DENND5B: variants seen among roughly 807,000 people sequenced by gnomAD.
DENND5B encodes the protein DENN domain-containing protein 5B.
A neutral mutation model predicts 140.6 loss-of-function variants in DENND5B; 34 were observed. The ratio of observed to expected loss-of-function variants is 0.24; its 90% confidence interval spans 0.18 to 0.32. DENND5B has a LOEUF of 0.32. Among genes scored for constraint, DENND5B ranks in the 10% least tolerant of loss-of-function variants. The probability of loss-of-function intolerance (pLI) is 1.00; values close to 1 mark genes in which losing one functional copy is unlikely to be tolerated. For missense variants in DENND5B, 1,142 were observed against 1,560.2 expected, an observed-to-expected ratio of 0.73 and a Z score of 4.52; for synonymous variants, 551 against 562.1, an observed-to-expected ratio of 0.98 and a Z score of 0.28.
intron 1 of DENND5B, among the ~76,000 whole-genome samples, chr12:31,512,359 C>T (rs555492663): frequency 5.8e-4 from 87 of 149,960 alleles, no homozygotes; most frequent in African/African-American, 1.9e-3. Flanking sequence ...TGGGACTACA[C>T]GTACACACCA....
At chr12:31,403,380 CTTT>C (rs67913140) in intron 14 of DENND5B, among the ~76,000 whole-genome samples, 1 of 132,062 alleles carries the variant, frequency 7.6e-6, no homozygotes, top group Non-Finnish European at 1.8e-5. Context: ...GTCCTCCCTT[CTTT>C]TTTTTTCTTT....
intron 17 of DENND5B, among the ~76,000 whole-genome samples, chr12:31,394,256 T>G (rs1330098069): frequency 6.6e-6 from 1 of 150,896 alleles, no homozygotes; most frequent in East Asian, 2.0e-4. Context: ...AATTTTCAGT[T>G]CTCTGAATAC....
chr12:31,504,238 TTAACA>T (rs1947111604), intron 1 of DENND5B, among the ~76,000 whole-genome samples: 1 of 152,220 alleles, frequency 6.6e-6, no homozygotes, highest in East Asian at 1.9e-4. Flanking sequence ...ATTTTTTAAC[TTAACA>T]TACTAGAATG....
In DENND5B at chr12:31,422,292, T is replaced by TG. The variant is rs1273617477; in HGVS notation, c.2470+1304dup. The stretch of plus-strand genomic sequence containing the variant: ...AAAAAAAAAAAAAAATAGCTGGGCG[T>TG]GCTCACGGGCACCTGTAGTCCCAGC... On this transcript the variant is annotated intron_variant, in intron 11 of 20. Transcript: ENST00000389082. Among the ~76,000 whole-genome samples, 3 of 149,626 alleles carry TG rather than the reference T, an allele frequency of 2.0e-5. No homozygotes were observed. The East Asian group carries it at 5.9e-4, about 29-fold the overall frequency.
At chr12:31,486,655 T>C (rs550964825) in intron 2 of DENND5B, among the ~76,000 whole-genome samples, 45 of 152,160 alleles carry the variant, frequency 3.0e-4, no homozygotes, top group Non-Finnish European at 5.1e-4. Context: ...ATGAAAAAAA[T>C]TGCCAAGCCC....
intron 1 of DENND5B, among the ~76,000 whole-genome samples, chr12:31,575,103 T>C (rs1949965081): frequency 6.6e-6 from 1 of 152,170 alleles, no homozygotes; most frequent in Admixed American, 6.5e-5. Context: ...ATTAAGAAAA[T>C]ACATACACTT....
At chr12:31,530,166 A>G (rs1325712955) in intron 1 of DENND5B, among the ~76,000 whole-genome samples, 1 of 152,208 alleles carries the variant, frequency 6.6e-6, no homozygotes, top group Non-Finnish European at 1.5e-5. Flanking sequence ...TGAGGTCAGG[A>G]GTTCGAGACC....
At position 31,392,302 on chromosome 12, in the gene DENND5B, A is replaced by G; in HGVS notation, c.3431T>C (p.Ile1144Thr). The change falls in exon 19 of 21, where the codon ATC (isoleucine) becomes ACC (threonine). Residue 1144 changes from isoleucine (I) to threonine (T), a missense_variant. Ile to Thr is a moderately conservative substitution (Grantham distance 89). This residue lies in a region of DENND5B where 125 missense variants were observed against 179.0 expected (regional missense o/e 0.70). Coordinates refer to ENST00000389082, the MANE Select transcript of DENND5B (RefSeq NM_144973.4). Reference sequence around the variant, plus strand: ...CCAGATGAAGACATTCTTGTGAAAGATGCGGGCAGATTTGAACCCATGGTG... The same window carrying G: ...CCAGATGAAGACATTCTTGTGAAAGGTGCGGGCAGATTTGAACCCATGGTG... The part of the protein sequence containing the change: ...VFHHGFKSAR[I>T]FHKNVFIWDF... 1 of 1,613,916 alleles carries G rather than the reference A, an allele frequency of 6.2e-7. No homozygotes were observed. Among genetic ancestry groups the G allele is most frequent in the East Asian group, 2.2e-5 (1 of 44,864 alleles).
At chr12:31,577,310 T>C (rs1344961034) in intron 1 of DENND5B, among the ~76,000 whole-genome samples, 1 of 152,156 alleles carries the variant, frequency 6.6e-6, no homozygotes, top group Non-Finnish European at 1.5e-5. Flanking sequence ...AAACCTGGAT[T>C]CTCCAGGCAT....
chr12:31,393,995 T>A (rs1312312228), intron 17 of DENND5B, among the ~76,000 whole-genome samples: 8 of 149,470 alleles, frequency 5.4e-5, no homozygotes, highest in Non-Finnish European at 1.1e-4. Flanking sequence ...CGGCTAACGT[T>A]TCTTTCAGTA....
rs192586684 is a variant in DENND5B at position 31,525,549 on chromosome 12, G to T, written c.128-29630C>A. ...AATGGGGAGTGAACACAGGTATGGG[G>T]TTTCTTTTGTGGCTGATGAAGATGT... On this transcript the variant is annotated intron_variant, in intron 1 of 20. Coordinates refer to ENST00000389082, the MANE Select transcript of DENND5B (RefSeq NM_144973.4). Among the ~76,000 whole-genome samples the T allele has an allele frequency of 5.9e-5, 9 of 152,290 alleles. No homozygotes were observed. In the East Asian group the frequency reaches 1.7e-3, roughly 29 times the overall value.
chr12:31,525,846 G>T (rs1412853161), intron 1 of DENND5B, among the ~76,000 whole-genome samples: 1 of 151,976 alleles, frequency 6.6e-6, no homozygotes. Flanking sequence ...TATAAAAATT[G>T]GCCAGGTGTG....
intron 4 of DENND5B, among the ~76,000 whole-genome samples, chr12:31,457,722 T>C (rs1349985390): frequency 6.6e-6 from 1 of 151,896 alleles, no homozygotes; most frequent in Non-Finnish European, 1.5e-5. Context: ...TCTTTTCTTT[T>C]TTTTTTTTTG....
intron 1 of DENND5B, among the ~76,000 whole-genome samples, chr12:31,582,905 A>C (rs2139489153): frequency 6.6e-6 from 1 of 152,346 alleles, no homozygotes; most frequent in Admixed American, 6.5e-5. Flanking sequence ...GTATGGATGA[A>C]TTATGTCAGA....
chr12:31,578,738 G>T (rs1219133496), intron 1 of DENND5B, among the ~76,000 whole-genome samples: 1 of 152,058 alleles, frequency 6.6e-6, no homozygotes, highest in Non-Finnish European at 1.5e-5. Context: ...TCACCACCCA[G>T]CAGTTGAGGA....
At chr12:31,391,079 A>G (rs1941116407) in intron 19 of DENND5B, among the ~76,000 whole-genome samples, 1 of 152,168 alleles carries the variant, frequency 6.6e-6, no homozygotes, top group Non-Finnish European at 1.5e-5. Context: ...AACAGCTTCC[A>G]GTTTCATTCA....
chr12:31,393,164 A>ATGT (rs1336889696), intron 17 of DENND5B, among the ~76,000 whole-genome samples: 2 of 152,086 alleles, frequency 1.3e-5, no homozygotes, highest in African/African-American at 4.8e-5. Context: ...TGTTAGTGAA[A>ATGT]TGTTCCCTTA....
In DENND5B at chr12:31,471,461, A is replaced by ATTTT. The variant is rs747862984; in HGVS notation, c.904+8124_904+8127dup. Reference sequence around the variant, plus strand: ...TACAATCGCACACCACCATGCCTGTATTTTTTTTTTTTTTTTTTTTGTAGA... The same window carrying ATTTT: ...TACAATCGCACACCACCATGCCTGTATTTTTTTTTTTTTTTTTTTTTTTTGTAGA... On this transcript the variant is annotated intron_variant, in intron 3 of 20. Coordinates refer to ENST00000389082, the MANE Select transcript of DENND5B (RefSeq NM_144973.4). Among the ~76,000 whole-genome samples, 251 of 111,888 alleles carry ATTTT rather than the reference A, an allele frequency of 2.2e-3. 6 individuals are homozygous for ATTTT. The highest frequency in any genetic ancestry group is 4.1e-3 in the African/African-American group (115 of 28,236). The allele number at this position is 111,888 out of a possible 152,430, so 73.4% of individuals were successfully genotyped here.
intron 2 of DENND5B, among the ~76,000 whole-genome samples, chr12:31,494,283 C>T (rs758146569): frequency 2.0e-5 from 3 of 151,448 alleles, no homozygotes; most frequent in Non-Finnish European, 2.9e-5. Context: ...TGCTATGGTG[C>T]CCATTCTGGT....
Sources: allele counts gnomAD v4.1 joint callset (sites outside exome capture counted in the v4.1 genomes callset), GRCh38; gene constraint gnomAD v4.1.1; regional missense constraint gnomAD v4.1.1; transcripts MANE v1.5; gene names NCBI Gene and HGNC (gene_info 2026-07-23, HGNC 2026-07-21).